The following OSBPL11 variants were observed in gnomAD, a reference collection of about 807,000 sequenced individuals.
OSBPL11 encodes oxysterol binding protein like 11.
A neutral mutation model predicts 84.4 loss-of-function variants in OSBPL11; 33 were observed. That is an observed-to-expected ratio of 0.39 (90% CI 0.30 to 0.52). OSBPL11 has a LOEUF of 0.52. OSBPL11 is among the 20% of genes least tolerant of loss of function. The pLI is 0.72. For synonymous variants in OSBPL11, 276 were observed against 310.2 expected, an observed-to-expected ratio of 0.89 and a Z score of 1.16; for missense variants, 736 against 901.1, an observed-to-expected ratio of 0.82 and a Z score of 2.35.
At chr3:125,543,582 T>A (rs960062473) in intron 10 of OSBPL11, among the ~76,000 whole-genome samples, 10 of 152,302 alleles carry the variant, frequency 6.6e-5, no homozygotes, top group African/African-American at 2.4e-4. Context: ...TATATCCTCG[T>A]CCCCTGCAAA....
chr3:125,533,211 T>C (rs76580297), intron 11 of OSBPL11, among the ~76,000 whole-genome samples: 11 of 126,484 alleles, frequency 8.7e-5, no homozygotes, highest in Admixed American at 2.7e-4. Context: ...CTCCCTTCTC[T>C]CTCCCTCCCT....
intron 10 of OSBPL11, among the ~76,000 whole-genome samples, chr3:125,539,300 C>CATATATATATAT (rs10678056): frequency 1.0e-4 from 7 of 67,836 alleles, no homozygotes; most frequent in Non-Finnish European, 1.3e-4. Flanking sequence ...TCACCACAGC[C>CATATATATATAT]ATATATATAT....
rs1477165688 is a variant in OSBPL11, at chr3:125,529,856, T to C, written c.*659A>G. 1 of 152,648 alleles carries C rather than the reference T, an allele frequency of 6.6e-6. No individual in the cohort carries two copies. Among genetic ancestry groups the C allele is most frequent in the Admixed American group, 6.5e-5 (1 of 15,278 alleles). 9.5% of individuals were successfully genotyped at this position (152,648 alleles called of 1,614,324 possible). On this transcript the variant is annotated 3_prime_UTR_variant, in exon 13 of 13. Coordinates refer to ENST00000296220, the MANE Select transcript of OSBPL11 (RefSeq NM_022776.5). ...AATGCTCAGAAGAAAAAATTCTCCA[T>C]GGTTATAATTCTGATCAATCTATAA...
chr3:125,568,800 G>A (rs1936201156), intron 5 of OSBPL11, among the ~76,000 whole-genome samples: 2 of 152,298 alleles, frequency 1.3e-5, no homozygotes, highest in South Asian at 4.1e-4. Flanking sequence ...ATTTTTTAGA[G>A]GAAAAGTGAA....
At chr3:125,551,185 ATTAAAT>A (rs1559838652) in intron 9 of OSBPL11, among the ~76,000 whole-genome samples, 2 of 56,054 alleles carry the variant, frequency 3.6e-5, no homozygotes, top group Admixed American at 1.9e-4. Flanking sequence ...AAAAAAAAAA[ATTAAAT>A]TAAATTAAAT....
rs780788337 is a variant in OSBPL11 at position 125,580,057 on chromosome 3, A to C, written c.234-17T>G. On this transcript the variant is annotated splice_polypyrimidine_tract_variant and intron_variant, in intron 2 of 12. Transcript: ENST00000296220. Reference sequence around the variant, plus strand: ...ACAAAAAACCTGTAATGATTTTTTAAAATCCATAATTTGTAAACATTTTCC... The same window carrying C: ...ACAAAAAACCTGTAATGATTTTTTACAATCCATAATTTGTAAACATTTTCC... The C allele has an allele frequency of 8.1e-6, 13 of 1,597,984 alleles. 1 individual carries two copies. The South Asian group carries it at 1.5e-4, about 18-fold the overall frequency.
chr3:125,582,817 T>G lies in OSBPL11; in HGVS notation c.233+93A>C, dbSNP rs539284629. On this transcript the variant is annotated intron_variant, in intron 2 of 12. Coordinates refer to ENST00000296220, the MANE Select transcript of OSBPL11 (RefSeq NM_022776.5). ...CCTTCTCTAAAAGGTTTCCCAGCCA[T>G]GTCTGTCTAAAGTAATATCAAAATA... 14 of 942,388 alleles carry G rather than the reference T, an allele frequency of 1.5e-5. No homozygotes were observed. The South Asian group carries it at 2.1e-4, about 14-fold the overall frequency. 58.4% of individuals were successfully genotyped at this position (942,388 alleles called of 1,614,324 possible).
intron 1 of OSBPL11, among the ~76,000 whole-genome samples, chr3:125,586,295 A>G (rs1168121005): frequency 6.6e-6 from 1 of 152,150 alleles, no homozygotes; most frequent in Non-Finnish European, 1.5e-5. Flanking sequence ...AGTCCTCCAA[A>G]AACTTCACTG....
In OSBPL11 at chr3:125,562,852, G is replaced by A. The variant is rs531067698; in HGVS notation, c.1014+846C>T. Among the ~76,000 whole-genome samples, 415 of 152,218 alleles carry A rather than the reference G, an allele frequency of 2.7e-3. 1 individual carries two copies. Among genetic ancestry groups the A allele is most frequent in the African/African-American group, 9.2e-3 (384 of 41,538 alleles). Reference sequence around the variant, plus strand: ...GAGGCAGGAGAATCACTGGAACCCCGGAGGCGGAGGTTGCGGTGAGCTGAG... The same window carrying A: ...GAGGCAGGAGAATCACTGGAACCCCAGAGGCGGAGGTTGCGGTGAGCTGAG... On this transcript the variant is annotated intron_variant, in intron 7 of 12. Transcript: ENST00000296220.
intron 1 of OSBPL11, among the ~76,000 whole-genome samples, chr3:125,587,175 T>C (rs2107612919): frequency 6.6e-6 from 1 of 152,296 alleles, no homozygotes; most frequent in Non-Finnish European, 1.5e-5. Flanking sequence ...GTGAGAAGGC[T>C]GAAATGACTA....
Position 125,538,450 on chromosome 3 carries a change from C to T in OSBPL11, c.2024+1G>A. ...CCTGGATAGATGCAAGGATGACATACCTGGATTCAAATGGATCCTGCTTCT... is the reference window on the plus strand; with the variant it reads ...CCTGGATAGATGCAAGGATGACATATCTGGATTCAAATGGATCCTGCTTCT... On this transcript the variant is annotated splice_donor_variant, in intron 11 of 12. Transcript: ENST00000296220. LOFTEE classifies it high-confidence loss of function. 1 of 1,612,394 alleles carries T rather than the reference C, an allele frequency of 6.2e-7. No individual in the cohort carries two copies. Among genetic ancestry groups the T allele is most frequent in the Non-Finnish European group, 8.5e-7 (1 of 1,179,070 alleles).
intron 8 of OSBPL11, among the ~76,000 whole-genome samples, chr3:125,555,598 GAGA>G (rs1424804952): frequency 1.3e-5 from 2 of 151,940 alleles, no homozygotes; most frequent in East Asian, 3.9e-4. Context: ...CAATTTTGGA[GAGA>G]AGAACATACA....
chr3:125,560,476 C>A lies in OSBPL11; in HGVS notation c.1058G>T (p.Cys353Phe). ...TCCCAGGTCATCCTCTTTGTGGTCACATGTATCCTCTATCTCATCATCTGC... is the reference window on the plus strand; with the variant it reads ...TCCCAGGTCATCCTCTTTGTGGTCAAATGTATCCTCTATCTCATCATCTGC... ...INADDEIEDTCDHKEDDLGAV... is the reference protein window; with the variant it reads ...INADDEIEDTFDHKEDDLGAV... The change falls in exon 8 of 13, where the codon TGT (cysteine) becomes TTT (phenylalanine). Residue 353 changes from cysteine (C) to phenylalanine (F), a missense_variant. Physicochemically the swap from Cys to Phe is radical, Grantham distance 205. Coordinates refer to ENST00000296220, the MANE Select transcript of OSBPL11 (RefSeq NM_022776.5). 3 of 1,604,850 alleles carry A rather than the reference C, an allele frequency of 1.9e-6. No individual in the cohort carries two copies. The highest frequency in any genetic ancestry group is 2.6e-6 in the Non-Finnish European group (3 of 1,174,900).
chr3:125,546,123 A>G (rs1258906295), intron 10 of OSBPL11, among the ~76,000 whole-genome samples: 1 of 137,544 alleles, frequency 7.3e-6, no homozygotes, highest in Non-Finnish European at 1.6e-5. Context: ...CCTGTCTCTT[A>G]AAAAAAAAAA....
At chr3:125,530,984 C>CTT (rs10663462) in intron 12 of OSBPL11, among the ~76,000 whole-genome samples, 69 of 148,122 alleles carry the variant, frequency 4.7e-4, no homozygotes, top group African/African-American at 1.4e-3. Flanking sequence ...TTTTTCTTTC[C>CTT]TTTTTTTTTT....
At chr3:125,550,383 AC>A (rs1383617642) in intron 9 of OSBPL11, among the ~76,000 whole-genome samples, 2 of 147,488 alleles carry the variant, frequency 1.4e-5, no homozygotes, top group African/African-American at 5.1e-5. Flanking sequence ...ACACACACAC[AC>A]ACACACACAC....
At position 125,582,975 on chromosome 3, in the gene OSBPL11, A is replaced by G. The variant is rs979608453; in HGVS notation, c.168T>C (p.Asp56=). The stretch of plus-strand genomic sequence containing the variant: ...AATAGCCATACACATTTTCCATGTG[A>G]TCACTATTTCAAAATGAAAAAGCCA... ...GGSAKGWQYS[D]HMENVYGYLM... Residue 56 remains aspartate (D), a synonymous_variant, in exon 2 of 13, where the codon GAT becomes GAC. Coordinates refer to ENST00000296220, the MANE Select transcript of OSBPL11 (RefSeq NM_022776.5). 1 of 1,581,790 alleles carries G rather than the reference A, an allele frequency of 6.3e-7. No homozygotes were observed. The highest frequency in any genetic ancestry group is 1.4e-5 in the African/African-American group (1 of 72,696).
intron 5 of OSBPL11, among the ~76,000 whole-genome samples, chr3:125,574,486 T>G (rs1219937119): frequency 6.6e-6 from 1 of 151,632 alleles, no homozygotes; most frequent in African/African-American, 2.4e-5. Context: ...AGCAGTTTTT[T>G]TTTTTTTTTT....
chr3:125,550,371 TCACACACA>T (rs58412964), intron 9 of OSBPL11, among the ~76,000 whole-genome samples: 20,227 of 132,064 alleles, frequency 0.15, 1,673 homozygotes, highest in African/African-American at 0.24. Flanking sequence ...CTAGACCGTG[TCACACACA>T]CACACACACA....
Sources: gnomAD v4.1 joint callset for allele counts (sites outside exome capture counted in the v4.1 genomes callset) on GRCh38, gnomAD v4.1.1 for gene constraint, MANE v1.5 for transcripts, NCBI Gene and HGNC (gene_info 2026-07-23, HGNC 2026-07-21) for gene names.